Variants in FARP1 observed in about 807,000 individuals in gnomAD.
The protein encoded by FARP1 is FERM, ARH/RhoGEF and pleckstrin domain protein 1, also known as FERM, ARHGEF and pleckstrin domain-containing protein 1.
FARP1 carries 52 observed loss-of-function variants against 128.8 expected under a neutral mutation model. The ratio of observed to expected loss-of-function variants is 0.40; its 90% CI spans 0.32 to 0.51. FARP1 has a LOEUF of 0.51. FARP1 is among the 20% of genes least tolerant of loss of function. FARP1 has a pLI of 0.45. For synonymous variants in FARP1, 580 were observed against 551.8 expected (o/e 1.05, Z -0.72); for missense variants, 1,333 against 1,367.9 (o/e 0.97, Z 0.40).
chr13:98,247,648 A>G (rs1883135554), intron 2 of FARP1, among the ~76,000 whole-genome samples: 1 of 152,226 alleles, frequency 6.6e-6, no homozygotes, highest in Non-Finnish European at 1.5e-5. Flanking sequence ...AACCTTTCCC[A>G]GAGAAAGTTA....
intron 2 of FARP1, chr13:98,334,029 C>A (rs144140661): frequency 1.3e-5 from 2 of 152,312 alleles, no homozygotes; most frequent in African/African-American, 4.8e-5. Context: ...GTTCTAAGGG[C>A]ATGGTGTATA....
At chr13:98,271,631 A>G (rs1267739691) in intron 2 of FARP1, among the ~76,000 whole-genome samples, 2 of 151,940 alleles carry the variant, frequency 1.3e-5, no homozygotes, top group African/African-American at 4.8e-5. Context: ...CTCATTGTTC[A>G]GCTCCCACTT....
In FARP1 at chr13:98,304,334, C is replaced by A. The variant is rs76345315; in HGVS notation, c.172-39428C>A. ...GGAGTTTATCTTTATGATTTTCATT[C>A]ATCTAAGAACTAGGTGGGAAGAAAA... On this transcript the variant is annotated intron_variant, in intron 2 of 26. Coordinates refer to ENST00000319562, the MANE Select transcript of FARP1 (RefSeq NM_005766.4). Among the ~76,000 whole-genome samples the A allele has an allele frequency of 7.1e-3, 1,082 of 152,278 alleles. 11 individuals carry two copies. The highest frequency in any genetic ancestry group is 0.011 in the Non-Finnish European group (743 of 68,020).
intron 2 of FARP1, among the ~76,000 whole-genome samples, chr13:98,330,747 T>C (rs994912899): frequency 7.9e-6 from 1 of 126,068 alleles, no homozygotes; most frequent in Non-Finnish European, 1.7e-5. Flanking sequence ...AGAGTGAGAC[T>C]CCATCTCAAA....
chr13:98,339,152 A>G (rs561449723), intron 2 of FARP1, among the ~76,000 whole-genome samples: 59 of 152,292 alleles, frequency 3.9e-4, no homozygotes, highest in African/African-American at 1.3e-3. Context: ...GCTATAAAGA[A>G]CCACCTGAGA....
chr13:98,153,685 T>G (rs1457184477), intron 1 of FARP1, among the ~76,000 whole-genome samples: 1 of 150,388 alleles, frequency 6.6e-6, no homozygotes, highest in Non-Finnish European at 1.5e-5. Flanking sequence ...TGCCTCAGCC[T>G]CTCGAGTAGC....
chr13:98,367,173 T>G lies in FARP1; in HGVS notation c.320-944T>G, dbSNP rs192017494. Among the ~76,000 whole-genome samples, 4 of 133,050 alleles carry G rather than the reference T, an allele frequency of 3.0e-5. No individual in the cohort carries two copies. The East Asian group carries it at 8.6e-4, about 29-fold the overall frequency. 87.3% of individuals were successfully genotyped at this position (133,050 alleles called of 152,430 possible). A position where few individuals can be genotyped will look rare whatever the true frequency, so the allele number is the denominator to read the frequency against. On this transcript the variant is annotated intron_variant, in intron 4 of 26. Coordinates refer to ENST00000319562, the MANE Select transcript of FARP1 (RefSeq NM_005766.4). Reference sequence around the variant, plus strand: ...TGATGATGATGATGATGATGATGATTGAGATGGAGTCTTGCTCTCTCACAC... The same window carrying G: ...TGATGATGATGATGATGATGATGATGGAGATGGAGTCTTGCTCTCTCACAC...
chr13:98,242,291 C>T (rs1239284400), intron 2 of FARP1, among the ~76,000 whole-genome samples: 1 of 152,180 alleles, frequency 6.6e-6, no homozygotes, highest in Non-Finnish European at 1.5e-5. Flanking sequence ...CTGTTTTTCT[C>T]CATGCTTTTA....
At chr13:98,152,396 T>C (rs1876077835) in intron 1 of FARP1, among the ~76,000 whole-genome samples, 1 of 152,180 alleles carries the variant, frequency 6.6e-6, no homozygotes, top group African/African-American at 2.4e-5. Context: ...TGAAGAGGAT[T>C]CTGGGGAATG....
rs1357081815 is a variant in FARP1 at position 98,361,282 on chromosome 13, G to A, written c.277-4113G>A. 4.6e-5 allele frequency among the ~76,000 whole-genome samples: 7 copies of A among 152,132 alleles called. No homozygotes were observed. The East Asian group carries it at 1.3e-3, about 29-fold the overall frequency. The stretch of plus-strand genomic sequence containing the variant: ...GTGATCGGCTTCTTGCAGTGTTCCC[G>A]CTGCGGAGCTGCTGAACACACTGAA... On this transcript the variant is annotated intron_variant, in intron 3 of 26. Transcript: ENST00000319562.
intron 1 of FARP1, among the ~76,000 whole-genome samples, chr13:98,150,069 ACT>A (rs1875881356): frequency 7.1e-6 from 1 of 141,224 alleles, no homozygotes; most frequent in South Asian, 2.2e-4. Flanking sequence ...ACGGAGTCTC[ACT>A]CTGTCACCCA....
intron 2 of FARP1, among the ~76,000 whole-genome samples, chr13:98,228,307 C>G (rs1218337887): frequency 6.6e-6 from 1 of 152,250 alleles, no homozygotes; most frequent in South Asian, 2.1e-4. Context: ...CTGCCGTGAG[C>G]CAAGATCGTG....
chr13:98,434,555 AC>A (rs1353037279), intron 18 of FARP1: 1 of 152,172 alleles, frequency 6.6e-6, no homozygotes, highest in African/African-American at 2.4e-5. Flanking sequence ...TGACCAAACT[AC>A]CCAAGTGCTC....
chr13:98,209,102 G>A (rs1880489601), intron 1 of FARP1, among the ~76,000 whole-genome samples: 1 of 152,074 alleles, frequency 6.6e-6, no homozygotes, highest in Non-Finnish European at 1.5e-5. Context: ...TCCGCCTCCC[G>A]GGTTCACGCC....
At chr13:98,154,197 G>T (rs1262402546) in intron 1 of FARP1, among the ~76,000 whole-genome samples, 2 of 152,162 alleles carry the variant, frequency 1.3e-5, no homozygotes, top group East Asian at 3.9e-4. Flanking sequence ...GTTGACTTGT[G>T]TCCAGTTTGG....
chr13:98,320,533 C>A (rs966163765), intron 2 of FARP1, among the ~76,000 whole-genome samples: 4 of 152,136 alleles, frequency 2.6e-5, no homozygotes, highest in Admixed American at 6.5e-5. Flanking sequence ...TAACATAACA[C>A]CTCATGGAGA....
chr13:98,192,621 C>T (rs1283083157), intron 1 of FARP1, among the ~76,000 whole-genome samples: 2 of 152,110 alleles, frequency 1.3e-5, no homozygotes, highest in Non-Finnish European at 2.9e-5. Flanking sequence ...CAACTCCTGA[C>T]TTCAGGTGGT....
intron 19 of FARP1, among the ~76,000 whole-genome samples, chr13:98,436,943 C>T (rs1892293395): frequency 1.3e-5 from 2 of 152,320 alleles, no homozygotes; most frequent in African/African-American, 2.4e-5. Context: ...TTTTCCACTG[C>T]AATGGAAAGA....
At chr13:98,353,948 A>G (rs1437835405) in intron 3 of FARP1, among the ~76,000 whole-genome samples, 1 of 152,256 alleles carries the variant, frequency 6.6e-6, no homozygotes, top group Non-Finnish European at 1.5e-5. Flanking sequence ...TGAAAATTAA[A>G]CAAATGATTT....
Sources: gnomAD v4.1 joint callset for allele counts (sites outside exome capture counted in the v4.1 genomes callset) on GRCh38, gnomAD v4.1.1 for gene constraint, MANE v1.5 for transcripts, NCBI Gene and HGNC (gene_info 2026-07-23, HGNC 2026-07-21) for gene names.